Variants in CEP70 observed in about 807,000 individuals in gnomAD.
The protein encoded by CEP70 is centrosomal protein 70.
Under a neutral mutation model 90.9 loss-of-function variants are expected in CEP70, and 70 were observed. The ratio of observed to expected loss-of-function variants is 0.77; its 90% CI spans 0.64 to 0.94. CEP70 has a LOEUF of 0.94. Among genes scored for constraint, CEP70 ranks in the 40% least tolerant of loss-of-function variants. CEP70 has a pLI of 0.00. For missense variants in CEP70, 648 were observed against 669.0 expected (o/e 0.97, Z 0.35); for synonymous variants, 220 against 228.3 (o/e 0.96, Z 0.33).
chr3:138,585,926 T>G (rs746602747), intron 2 of CEP70, among the ~76,000 whole-genome samples: 2 of 152,108 alleles, frequency 1.3e-5, no homozygotes, highest in African/African-American at 4.8e-5. Context: ...ACTATGAAAG[T>G]ACTACAAAAA....
At chr3:138,543,301 G>A (rs1383342318) in intron 6 of CEP70, among the ~76,000 whole-genome samples, 2 of 152,190 alleles carry the variant, frequency 1.3e-5, no homozygotes, top group Admixed American at 1.3e-4. Context: ...CCTCCCTTCT[G>A]CGCTCGTCGG....
At chr3:138,509,156 C>A (rs1188339269) in intron 11 of CEP70, among the ~76,000 whole-genome samples, 1 of 152,112 alleles carries the variant, frequency 6.6e-6, no homozygotes, top group Non-Finnish European at 1.5e-5. Context: ...GTTCTAACCA[C>A]CCCCCAGCAC....
At position 138,540,135 on chromosome 3, in the gene CEP70, C is replaced by T. The variant is rs141263562; in HGVS notation, c.466-2788G>A. On this transcript the variant is annotated intron_variant, in intron 6 of 17. Coordinates refer to ENST00000264982, the MANE Select transcript of CEP70 (RefSeq NM_024491.4). Reference sequence around the variant, plus strand: ...GAGAAAAACAAATTCATTAAGAAGTCGGCAAAGGACAAGAATAGACACTTT... The same window carrying T: ...GAGAAAAACAAATTCATTAAGAAGTTGGCAAAGGACAAGAATAGACACTTT... Among the ~76,000 whole-genome samples, 346 of 152,064 alleles carry T rather than the reference C, an allele frequency of 2.3e-3. 1 individual carries two copies. The highest frequency in any genetic ancestry group is 8.0e-3 in the African/African-American group (331 of 41,476).
At chr3:138,495,323 A>G (rs1006633580) in intron 17 of CEP70, among the ~76,000 whole-genome samples, 1 of 152,228 alleles carries the variant, frequency 6.6e-6, no homozygotes, top group African/African-American at 2.4e-5. Context: ...TTCTAGTATT[A>G]ACTTCATTAG....
At chr3:138,519,609 A>G (rs1405756111) in intron 11 of CEP70, among the ~76,000 whole-genome samples, 1 of 152,178 alleles carries the variant, frequency 6.6e-6, no homozygotes, top group Non-Finnish European at 1.5e-5. Flanking sequence ...GAGAAATAAA[A>G]TCCTTTACAG....
chr3:138,519,225 C>T (rs994702035), intron 11 of CEP70, among the ~76,000 whole-genome samples: 16 of 150,226 alleles, frequency 1.1e-4, no homozygotes, highest in East Asian at 7.7e-4. Context: ...CTGAAAGTGA[C>T]GGGGAGAATG....
intron 6 of CEP70, among the ~76,000 whole-genome samples, chr3:138,550,431 T>C (rs938148675): frequency 6.6e-6 from 1 of 152,220 alleles, no homozygotes; most frequent in Admixed American, 6.5e-5. Flanking sequence ...TGGAGTGATC[T>C]TGGCTCACTG....
intron 2 of CEP70, among the ~76,000 whole-genome samples, chr3:138,583,031 TA>T: frequency 6.6e-6 from 1 of 152,122 alleles, no homozygotes; most frequent in East Asian, 1.9e-4. Flanking sequence ...ATAAATGGAC[TA>T]AACTCACAAT....
intron 2 of CEP70, among the ~76,000 whole-genome samples, chr3:138,575,205 A>T (rs2041430205): frequency 6.6e-6 from 1 of 152,126 alleles, no homozygotes; most frequent in Non-Finnish European, 1.5e-5. Context: ...AAAACCTTGA[A>T]AAAAGATTAG....
chr3:138,579,313 T>G (rs991916907), intron 2 of CEP70, among the ~76,000 whole-genome samples: 1 of 152,024 alleles, frequency 6.6e-6, no homozygotes, highest in Admixed American at 6.6e-5. Context: ...CCAAGGCAAG[T>G]CCTAGTGCTA....
intron 2 of CEP70, among the ~76,000 whole-genome samples, chr3:138,578,525 G>A (rs978604210): frequency 6.6e-6 from 1 of 152,132 alleles, no homozygotes; most frequent in African/African-American, 2.4e-5. Flanking sequence ...CCATGACAGA[G>A]CCCATGATGA....
chr3:138,507,952 A>G (rs1465528051), intron 12 of CEP70, among the ~76,000 whole-genome samples: 3 of 152,204 alleles, frequency 2.0e-5, no homozygotes, highest in South Asian at 2.1e-4. Context: ...TTCAGTCACT[A>G]AACTACCAGG....
chr3:138,503,216 CTACTT>C (rs1318857087), intron 13 of CEP70, among the ~76,000 whole-genome samples: 1 of 152,180 alleles, frequency 6.6e-6, no homozygotes, highest in African/African-American at 2.4e-5. Context: ...CATCACCACT[CTACTT>C]TGTCTCTATG....
In CEP70 at chr3:138,500,786, A is replaced by G; in HGVS notation, c.1317T>C (p.Asp439=). The G allele has an allele frequency of 1.2e-6, 2 of 1,606,108 alleles. No homozygotes were observed. Among genetic ancestry groups the G allele is most frequent in the Non-Finnish European group, 1.7e-6 (2 of 1,175,060 alleles). The change falls in exon 14 of 18, where the codon GAT becomes GAC. Residue 439 remains aspartate (D), a synonymous_variant. Coordinates refer to ENST00000264982, the MANE Select transcript of CEP70 (RefSeq NM_024491.4). ...QDENEGIKVE[D]LLFIVDTMLE... ...GCATAGTATCTACTATAAACAACAAATCTTCAACTTTGATACCTTCATTTT... is the reference window on the plus strand; with the variant it reads ...GCATAGTATCTACTATAAACAACAAGTCTTCAACTTTGATACCTTCATTTT...
intron 11 of CEP70, among the ~76,000 whole-genome samples, chr3:138,512,652 A>G (rs2035634549): frequency 1.3e-5 from 2 of 152,174 alleles, no homozygotes; most frequent in African/African-American, 4.8e-5. Flanking sequence ...TTTTGTGGAC[A>G]CTGAGAAAAC....
At chr3:138,516,699 C>G (rs1258923712) in intron 11 of CEP70, among the ~76,000 whole-genome samples, 1 of 152,104 alleles carries the variant, frequency 6.6e-6, no homozygotes. Context: ...ATTATTTTAA[C>G]CCAGTATGTA....
At chr3:138,525,715 T>A (rs2037162396) in intron 10 of CEP70, 151 bp from the exon 11 acceptor site, 2 of 361,704 alleles carry the variant, frequency 5.5e-6, no homozygotes, top group East Asian at 8.2e-5. Context: ...ATTTGGAGTT[T>A]ACTGGCCATT....
chr3:138,576,598 A>T (rs1249185936), intron 2 of CEP70, among the ~76,000 whole-genome samples: 2 of 152,214 alleles, frequency 1.3e-5, no homozygotes, highest in Admixed American at 6.5e-5. Flanking sequence ...TGCACCAAGC[A>T]GACCTAATAG....
intron 8 of CEP70, chr3:138,530,875 T>A: frequency 1.0e-6 from 1 of 982,884 alleles, no homozygotes; most frequent in Non-Finnish European, 1.2e-6. Context: ...GTACTTACTC[T>A]TAGAAAGGAG....
Sources: allele counts gnomAD v4.1 joint callset (sites outside exome capture counted in the v4.1 genomes callset), GRCh38; gene constraint gnomAD v4.1.1; transcripts MANE v1.5; gene names NCBI Gene and HGNC (gene_info 2026-07-23, HGNC 2026-07-21).